The following KIF5B variants were observed in gnomAD, a reference collection of about 807,000 sequenced individuals.
KIF5B encodes the protein kinesin-1 heavy chain.
KIF5B carries 49 observed loss-of-function variants against 132.8 expected under a neutral mutation model. That is an observed-to-expected ratio of 0.37 (90% CI 0.29 to 0.47). The LOEUF is 0.47. Ranked by LOEUF, KIF5B falls within the 20% of genes least tolerant of loss-of-function variation. KIF5B has a pLI of 1.00. For missense variants in KIF5B, 780 were observed against 1,144.0 expected, an observed-to-expected ratio of 0.68 and a Z score of 4.59; for synonymous variants, 355 against 369.4, an observed-to-expected ratio of 0.96 and a Z score of 0.45.
chr10:32,039,585 T>C (rs754311506), intron 3 of KIF5B, among the ~76,000 whole-genome samples, 154 bp from the exon 4 acceptor site: 1 of 152,140 alleles, frequency 6.6e-6, no homozygotes, highest in African/African-American at 2.4e-5. Flanking sequence ...AATTCAACTA[T>C]TACACATACA....
intron 1 of KIF5B, among the ~76,000 whole-genome samples, chr10:32,053,772 A>G (rs937638906): frequency 6.6e-5 from 10 of 152,044 alleles, no homozygotes; most frequent in Non-Finnish European, 1.5e-4. Flanking sequence ...ACCAACCAAA[A>G]AACAACTAAA....
rs148064915 is a variant in KIF5B at position 32,048,812 on chromosome 10, T to C, written c.127-261A>G. Among the ~76,000 whole-genome samples the C allele has an allele frequency of 2.4e-3, 372 of 152,326 alleles. 14 individuals carry two copies. The East Asian group carries it at 0.056, about 23-fold the overall frequency. On this transcript the variant is annotated intron_variant, in intron 1 of 25. Transcript: ENST00000302418. ...TTACAATTATAATTCCCAGTAATTA[T>C]AATTAGCACTACTATGGCAGCCAAA...
intron 18 of KIF5B, 43 bp from the exon 19 acceptor site, chr10:32,021,174 C>A (rs1841253427): frequency 2.5e-6 from 4 of 1,601,494 alleles, no homozygotes; most frequent in Non-Finnish European, 3.4e-6. Flanking sequence ...TCAGACTAAT[C>A]AAAATTAATA....
At chr10:32,037,899 C>A (rs2132605156) in intron 6 of KIF5B, among the ~76,000 whole-genome samples, 1 of 151,932 alleles carries the variant, frequency 6.6e-6, no homozygotes, top group East Asian at 1.9e-4. Flanking sequence ...ATCACGAGGT[C>A]AGGAGTTCAA....
In KIF5B at chr10:32,039,477, T is replaced by C. The variant is rs147184629; in HGVS notation, c.289-46A>G. ...GACTTCTTAAATAAATTATAAAATA[T>C]GAAGTAAAAACAAAGAGTTTCAATC... On this transcript the variant is annotated intron_variant, in intron 3 of 25. Coordinates refer to ENST00000302418, the MANE Select transcript of KIF5B (RefSeq NM_004521.3). 7.1e-3 allele frequency: 6,263 copies of C among 876,954 alleles called. 27 individuals are homozygous for C. Among genetic ancestry groups the C allele is most frequent in the Non-Finnish European group, 9.5e-3 (5,251 of 554,984 alleles). 54.3% of individuals were successfully genotyped at this position (876,954 alleles called of 1,614,324 possible).
Position 32,029,165 on chromosome 10 carries a change from C to T in KIF5B, c.1582-594G>A, listed in dbSNP as rs1319313334. ...AATCACCAAATTTTGAAAAGTCCAA[C>T]CCAGTTTGGTGCCCACTTTAAAATA... is the stretch of plus-strand genomic sequence containing the variant. On this transcript the variant is annotated intron_variant, in intron 14 of 25. Coordinates refer to ENST00000302418, the MANE Select transcript of KIF5B (RefSeq NM_004521.3). Among the ~76,000 whole-genome samples the T allele has an allele frequency of 2.6e-5, 4 of 152,260 alleles. No homozygotes were observed. In the South Asian group the frequency reaches 8.3e-4, roughly 32 times the overall value.
chr10:32,017,151 G>A lies in KIF5B; in HGVS notation c.2753C>T (p.Ala918Val). 6.2e-7 allele frequency: 1 copy of A among 1,612,812 alleles called. No individual in the cohort carries two copies. Among genetic ancestry groups the A allele is most frequent in the Non-Finnish European group, 8.5e-7 (1 of 1,178,786 alleles). The change falls in exon 24 of 26, where the codon GCA becomes GTA. Residue 918 changes from alanine (A) to valine (V), a missense_variant. This residue lies in a region of KIF5B where 90 missense variants were observed against 101.8 expected (regional missense o/e 0.88). Coordinates refer to ENST00000302418, the MANE Select transcript of KIF5B (RefSeq NM_004521.3). ...SKNMARRGHS[A>V]QIAKPIRPGQ... ...TAATGTGTTCTACTAACCAATCTGTGCAGAATGCCCTCTTCTGGCCATATT... is the reference window on the plus strand; with the variant it reads ...TAATGTGTTCTACTAACCAATCTGTACAGAATGCCCTCTTCTGGCCATATT...
At chr10:32,047,591 T>C (rs553832165) in intron 2 of KIF5B, among the ~76,000 whole-genome samples, 2 of 152,172 alleles carry the variant, frequency 1.3e-5, no homozygotes, top group East Asian at 3.8e-4. Context: ...TTAGACAATA[T>C]GAAATTGATA....
chr10:32,022,613 A>G (rs211379), intron 16 of KIF5B, among the ~76,000 whole-genome samples: 32,322 of 152,172 alleles, frequency 0.21, 3,620 homozygotes, highest in Non-Finnish European at 0.25. Flanking sequence ...TGGAATTCTG[A>G]AGTCTTTAAC....
intron 5 of KIF5B, 121 bp from the exon 6 acceptor site, chr10:32,038,339 A>C (rs1841488371): frequency 1.4e-6 from 1 of 705,136 alleles, no homozygotes; most frequent in African/African-American, 1.8e-5. Context: ...AAACATATTA[A>C]AACATTGCTC....
chr10:32,018,894 CTA>C (rs1473377774), intron 20 of KIF5B, among the ~76,000 whole-genome samples: 2 of 152,188 alleles, frequency 1.3e-5, no homozygotes, highest in East Asian at 3.9e-4. Flanking sequence ...CGGGGTCTCA[CTA>C]TATTGCCTAG....
At position 32,015,648 on chromosome 10, in the gene KIF5B, G is replaced by A. The variant is rs758433680; in HGVS notation, c.2773C>T (p.Arg925Cys). Residue 925 changes from arginine to cysteine, a missense_variant, in exon 25 of 26, where the codon CGT (arginine) becomes TGT (cysteine). Physicochemically the swap from Arg to Cys is radical, Grantham distance 180 (BLOSUM62 -3). This residue lies in a region of KIF5B where 90 missense variants were observed against 101.8 expected (regional missense o/e 0.88). Transcript: ENST00000302418. ...GHSAQIAKPIRPGQHPAASPT... is the reference protein window; with the variant it reads ...GHSAQIAKPICPGQHPAASPT... ...GAAGCTGCTGGATGTTGCCCGGGAC[G>A]AATAGGTTTAGCTAATATGAAAAAT... The A allele has an allele frequency of 2.5e-6, 4 of 1,611,526 alleles. No individual in the cohort carries two copies. Among genetic ancestry groups the A allele is most frequent in the African/African-American group, 1.3e-5 (1 of 74,912 alleles).
At chr10:32,033,016 T>C (rs1440036594) in intron 12 of KIF5B, among the ~76,000 whole-genome samples, 1 of 152,232 alleles carries the variant, frequency 6.6e-6, no homozygotes. Context: ...ATATTAAAAA[T>C]ATCAACTTAA....
At chr10:32,040,311 T>C (rs1199689004) in intron 3 of KIF5B, 73 bp downstream of exon 3, 16 of 892,164 alleles carry the variant, frequency 1.8e-5, no homozygotes, top group Non-Finnish European at 3.0e-5. Context: ...TTATGCATGG[T>C]GAAATAATAT....
intron 1 of KIF5B, among the ~76,000 whole-genome samples, chr10:32,049,735 A>C (rs947539416): frequency 1.2e-4 from 18 of 151,846 alleles, no homozygotes; most frequent in South Asian, 1.0e-3. Context: ...TATTGAACAA[A>C]AAAAAAAAAT....
intron 19 of KIF5B, among the ~76,000 whole-genome samples, chr10:32,020,291 G>A (rs936960885): frequency 6.6e-6 from 1 of 151,516 alleles, no homozygotes; most frequent in Non-Finnish European, 1.5e-5. Flanking sequence ...TACTCAAATT[G>A]TTGCAAACTC....
chr10:32,021,157 GT>G, intron 18 of KIF5B, 26 bp from the exon 19 acceptor site: 2 of 1,605,774 alleles, frequency 1.2e-6, no homozygotes, highest in Non-Finnish European at 1.7e-6. Flanking sequence ...GGAAAAGGAT[GT>G]TAAAGTCAGA....
At chr10:32,012,524 A>C (rs1029009644) in intron 25 of KIF5B, among the ~76,000 whole-genome samples, 18 of 152,252 alleles carry the variant, frequency 1.2e-4, no homozygotes, top group African/African-American at 4.3e-4. Flanking sequence ...AAGATAGATT[A>C]TAAGAGTTTG....
At chr10:32,041,811 G>C (rs536741846) in intron 2 of KIF5B, among the ~76,000 whole-genome samples, 1 of 152,262 alleles carries the variant, frequency 6.6e-6, no homozygotes, top group East Asian at 1.9e-4. Context: ...ATTTTGTAGA[G>C]ACAGGGTCTT....
Sources: gnomAD v4.1 joint callset for allele counts (sites outside exome capture counted in the v4.1 genomes callset) on GRCh38, gnomAD v4.1.1 for gene constraint, gnomAD v4.1.1 regional missense constraint, MANE v1.5 for transcripts, NCBI Gene and HGNC (gene_info 2026-07-23, HGNC 2026-07-21) for gene names.